LIN7A: variants seen among roughly 807,000 people sequenced by gnomAD.
The protein encoded by LIN7A is protein lin-7 homolog A.
In LIN7A, 25 loss-of-function variants were observed where a neutral mutation model predicts 29.8. The observed-to-expected ratio is 0.84, with a 90% confidence interval of 0.61 to 1.17. The LOEUF (loss-of-function observed/expected upper bound fraction) is 1.17, where lower values mean the gene tolerates loss of function less well. LIN7A is among the 50% of genes most tolerant of loss of function. The pLI, the probability that LIN7A is intolerant of heterozygous loss-of-function variation, is 0.00. For missense variants in LIN7A, 239 were observed against 287.0 expected, an observed-to-expected ratio of 0.83 and a Z score of 1.21; for synonymous variants, 118 against 107.5, an observed-to-expected ratio of 1.10 and a Z score of -0.60.
At chr12:80,880,823 T>TA (rs1192519796) in intron 2 of LIN7A, among the ~76,000 whole-genome samples, 31 of 151,010 alleles carry the variant, frequency 2.1e-4, no homozygotes, top group African/African-American at 7.5e-4. Flanking sequence ...AGGTGAGAGA[T>TA]AAAAATCAGA....
At chr12:80,874,120 A>T (rs1874565902) in intron 2 of LIN7A, among the ~76,000 whole-genome samples, 1 of 152,158 alleles carries the variant, frequency 6.6e-6, no homozygotes, top group South Asian at 2.1e-4. Context: ...GTCACTTATT[A>T]TATGGTGAAC....
chr12:80,851,737 T>G (rs1303765154), intron 2 of LIN7A, among the ~76,000 whole-genome samples: 1 of 148,580 alleles, frequency 6.7e-6, no homozygotes, highest in Non-Finnish European at 1.5e-5. Flanking sequence ...GGTCCCAGAA[T>G]GTATGACAAA....
chr12:80,913,222 G>A (rs932948410), intron 1 of LIN7A, among the ~76,000 whole-genome samples: 1 of 152,110 alleles, frequency 6.6e-6, no homozygotes, highest in African/African-American at 2.4e-5. Context: ...AAATTAACAG[G>A]TATTAAATAG....
Position 80,795,271 on chromosome 12 carries a change from A to G in LIN7A, c.*2456T>C, listed in dbSNP as rs1383877220. 6.6e-6 allele frequency: 1 copy of G among 152,126 alleles called. No homozygotes were observed. The highest frequency in any genetic ancestry group is 1.9e-4 in the East Asian group (1 of 5,200). 9.4% of individuals were successfully genotyped at this position (152,126 alleles called of 1,614,324 possible). On this transcript the variant is annotated 3_prime_UTR_variant, in exon 6 of 6. Coordinates refer to ENST00000552864, the MANE Select transcript of LIN7A (RefSeq NM_004664.4). The stretch of plus-strand genomic sequence containing the variant: ...GATGGCTACCTCTGATTAAAACTTT[A>G]GGAAAAGACTTACATTTCAACCAAC...
At chr12:80,873,801 CTT>C (rs1191305208) in intron 2 of LIN7A, among the ~76,000 whole-genome samples, 1 of 148,688 alleles carries the variant, frequency 6.7e-6, no homozygotes, top group African/African-American at 2.5e-5. Context: ...TAAATGGTAT[CTT>C]ATATTTTTTT....
Position 80,932,176 on chromosome 12 carries a change from A to C in LIN7A, c.82+5465T>G, listed in dbSNP as rs181295693. ...AAGCTCTGCCTGCCTTGAAAAGTGA[A>C]AAGGGAAAAGAGAAAAATTGTAATG... On this transcript the variant is annotated intron_variant, in intron 1 of 5. Transcript: ENST00000552864. Among the ~76,000 whole-genome samples, 14 of 152,320 alleles carry C rather than the reference A, an allele frequency of 9.2e-5. No homozygotes were observed. The East Asian group carries it at 2.5e-3, about 27-fold the overall frequency.
chr12:80,927,693 G>A (rs949989125), intron 1 of LIN7A, among the ~76,000 whole-genome samples: 1 of 152,162 alleles, frequency 6.6e-6, no homozygotes, highest in Non-Finnish European at 1.5e-5. Flanking sequence ...ACTGCTAACT[G>A]TGAATTTGTT....
rs1409045216 is a variant in LIN7A at position 80,794,332 on chromosome 12, T to G, written c.*3395A>C. 6.6e-6 allele frequency: 1 copy of G among 152,142 alleles called. No homozygotes were observed. The highest frequency in any genetic ancestry group is 6.6e-5 in the Admixed American group (1 of 15,262). The allele number at this position is 152,142 out of a possible 1,614,324, so 9.4% of individuals were successfully genotyped here. On this transcript the variant is annotated 3_prime_UTR_variant, in exon 6 of 6. Transcript: ENST00000552864. Reference sequence around the variant, plus strand: ...GACCACCCCATATTTTGGAAGATCTTTTTCTATGTTGGCCTCCCTGAATCT... The same window carrying G: ...GACCACCCCATATTTTGGAAGATCTGTTTCTATGTTGGCCTCCCTGAATCT...
chr12:80,847,187 A>G (rs573376761), intron 3 of LIN7A, among the ~76,000 whole-genome samples: 2 of 152,336 alleles, frequency 1.3e-5, no homozygotes, highest in Non-Finnish European at 2.9e-5. Flanking sequence ...GTGCTATTGC[A>G]ACATTATGCT....
intron 2 of LIN7A, among the ~76,000 whole-genome samples, chr12:80,848,615 T>C (rs1873186962): frequency 6.6e-6 from 1 of 151,914 alleles, no homozygotes; most frequent in Non-Finnish European, 1.5e-5. Context: ...TAAAATAAAT[T>C]GCTTAAACTA....
At chr12:80,817,175 CT>C (rs1362229629) in intron 4 of LIN7A, among the ~76,000 whole-genome samples, 1 of 152,204 alleles carries the variant, frequency 6.6e-6, no homozygotes, top group East Asian at 1.9e-4. Context: ...GCTCGTATTT[CT>C]GGTATGCTCA....
At chr12:80,809,844 T>A (rs1291123105) in intron 5 of LIN7A, among the ~76,000 whole-genome samples, 2 of 152,232 alleles carry the variant, frequency 1.3e-5, no homozygotes, top group African/African-American at 4.8e-5. Context: ...CACATTTTAT[T>A]TCTACTTTAC....
intron 2 of LIN7A, among the ~76,000 whole-genome samples, chr12:80,849,023 A>G (rs1352040394): frequency 1.3e-5 from 2 of 152,176 alleles, no homozygotes; most frequent in African/African-American, 4.8e-5. Flanking sequence ...ATAATTTCTC[A>G]AATACATTTG....
intron 4 of LIN7A, among the ~76,000 whole-genome samples, chr12:80,844,572 T>G (rs1418094016): frequency 6.6e-6 from 1 of 152,168 alleles, no homozygotes. Flanking sequence ...TATATTAAAA[T>G]CCTTAAGTTC....
intron 2 of LIN7A, among the ~76,000 whole-genome samples, chr12:80,887,950 T>G (rs1875418230): frequency 1.3e-5 from 2 of 152,092 alleles, no homozygotes; most frequent in Non-Finnish European, 2.9e-5. Context: ...AAACAGAGTA[T>G]GCGAAATTTG....
rs150519379 is a variant in LIN7A at position 80,901,887 on chromosome 12, G to A, written c.83-12518C>T. On this transcript the variant is annotated intron_variant, in intron 1 of 5. Transcript: ENST00000552864. ...AGTTGTATGATGAGGTTAGTGTGGTGCTATCTACATCTTTAAGGGGTAATT... is the reference window on the plus strand; with the variant it reads ...AGTTGTATGATGAGGTTAGTGTGGTACTATCTACATCTTTAAGGGGTAATT... 2.8e-4 allele frequency among the ~76,000 whole-genome samples: 43 copies of A among 152,208 alleles called. No homozygotes were observed. In the East Asian group the frequency reaches 7.1e-3, roughly 25 times the overall value.
chr12:80,851,261 A>G (rs1873316876), intron 2 of LIN7A, among the ~76,000 whole-genome samples: 1 of 152,174 alleles, frequency 6.6e-6, no homozygotes, highest in Non-Finnish European at 1.5e-5. Flanking sequence ...TGAAACCAAT[A>G]AATTCATTAG....
intron 5 of LIN7A, among the ~76,000 whole-genome samples, chr12:80,807,083 T>TTGTTTTTG (rs1871067953): frequency 7.3e-6 from 1 of 137,206 alleles, no homozygotes; most frequent in Non-Finnish European, 1.6e-5. Context: ...TTTTTTTTTT[T>TTGTTTTTG]TTTTTTTTGA....
rs554634525 is a variant in LIN7A, at chr12:80,821,468, CT to C, written c.484-9786del. ...ATCTGAGCCTTCAGTAAATCATAATCTTTTTGCGGATGGAGGGTTTTGTCTT... is the reference window on the plus strand; with the variant it reads ...ATCTGAGCCTTCAGTAAATCATAATCTTTTGCGGATGGAGGGTTTTGTCTT... On this transcript the variant is annotated intron_variant, in intron 4 of 5. Transcript: ENST00000552864. Among the ~76,000 whole-genome samples, 7 of 152,066 alleles carry C rather than the reference CT, an allele frequency of 4.6e-5. No individual in the cohort carries two copies. In the South Asian group the frequency reaches 1.5e-3, roughly 32 times the overall value.
Sources: gnomAD v4.1 joint callset for allele counts (sites outside exome capture counted in the v4.1 genomes callset) on GRCh38, gnomAD v4.1.1 for gene constraint, MANE v1.5 for transcripts, NCBI Gene and HGNC (gene_info 2026-07-23, HGNC 2026-07-21) for gene names.